The following ZCCHC9 variants were observed in gnomAD, a reference collection of about 807,000 sequenced individuals.
ZCCHC9 encodes zinc finger CCHC domain-containing protein 9.
In ZCCHC9, 18 loss-of-function variants were observed where a neutral mutation model predicts 30.8. The observed-to-expected ratio is 0.58, with a 90% CI of 0.40 to 0.87. The LOEUF (loss-of-function observed/expected upper bound fraction) is 0.87, where lower values mean the gene tolerates loss of function less well. Ranked by LOEUF, ZCCHC9 falls within the 40% of genes least tolerant of loss-of-function variation. The pLI, the probability that ZCCHC9 is intolerant of heterozygous loss-of-function variation, is 0.00. For missense variants in ZCCHC9, 279 were observed against 331.2 expected, an observed-to-expected ratio of 0.84 and a Z score of 1.22; for synonymous variants, 94 against 106.7, an observed-to-expected ratio of 0.88 and a Z score of 0.73.
At chr5:81,303,390 C>T (rs1392017741) in intron 1 of ZCCHC9, 1 of 152,196 alleles carries the variant, frequency 6.6e-6, no homozygotes, top group African/African-American at 2.4e-5. Context: ...TGTTGTATAG[C>T]TATATAAAAA....
At chr5:81,308,205 G>GTT (rs1455067518) in intron 2 of ZCCHC9, among the ~76,000 whole-genome samples, 1 of 151,954 alleles carries the variant, frequency 6.6e-6, no homozygotes, top group African/African-American at 2.4e-5. Context: ...TATAGCCACT[G>GTT]TCCATTTCCT....
Position 81,312,807 on chromosome 5 carries a change from T to A in ZCCHC9, c.*145T>A. On this transcript the variant is annotated 3_prime_UTR_variant, in exon 6 of 6. Coordinates refer to ENST00000407610, the MANE Select transcript of ZCCHC9 (RefSeq NM_001131035.2). ...TGGGTGTGGCCAAAAACAATTTTCT[T>A]TATTCTGTCTATCAAATAGTACTTC... The A allele has an allele frequency of 1.7e-6, 1 of 575,680 alleles. No individual in the cohort carries two copies. Among genetic ancestry groups the A allele is most frequent in the African/African-American group, 1.9e-5 (1 of 53,386 alleles). 35.7% of individuals were successfully genotyped at this position (575,680 alleles called of 1,614,324 possible).
In ZCCHC9 at chr5:81,308,679, C is replaced by G. The variant is rs199640444; in HGVS notation, c.503C>G (p.Thr168Ser). ...TGTGGGTCCACAGAGCACGAAATAA[C>G]CAAGTGTAAGGCTAAAGTAGACCCG... ...YRCGSTEHEI[T>S]KCKAKVDPAL... The change falls in exon 3 of 6, where the codon ACC (threonine) becomes AGC (serine). Residue 168 changes from threonine to serine, a missense_variant. Coordinates refer to ENST00000407610, the MANE Select transcript of ZCCHC9 (RefSeq NM_001131035.2). 6.2e-7 allele frequency: 1 copy of G among 1,613,086 alleles called. No individual in the cohort carries two copies. Among genetic ancestry groups the G allele is most frequent in the Non-Finnish European group, 8.5e-7 (1 of 1,179,626 alleles).
In ZCCHC9 at chr5:81,311,295, C is replaced by T; in HGVS notation, c.697+16C>T. 2 of 1,613,118 alleles carry T rather than the reference C, an allele frequency of 1.2e-6. No homozygotes were observed. Among genetic ancestry groups the T allele is most frequent in the Non-Finnish European group, 8.5e-7 (1 of 1,179,142 alleles). The stretch of plus-strand genomic sequence containing the variant: ...CAGAATTCAGGTGAGATCTCTGGGC[C>T]TCTACTTAGAAGGGGTGAGATTAGT... On this transcript the variant is annotated intron_variant, in intron 5 of 5. Coordinates refer to ENST00000407610, the MANE Select transcript of ZCCHC9 (RefSeq NM_001131035.2).
At chr5:81,311,367 G>T in intron 5 of ZCCHC9, 88 bp downstream of exon 5, 1 of 1,320,284 alleles carries the variant, frequency 7.6e-7, no homozygotes, top group East Asian at 2.3e-5. Context: ...ACTCAATTGG[G>T]ATACTAATGA....
In ZCCHC9 at chr5:81,308,954, C is replaced by T. The variant is rs1758179590; in HGVS notation, c.544C>T (p.Pro182Ser). The T allele has an allele frequency of 6.2e-7, 1 of 1,612,686 alleles. No individual in the cohort carries two copies. The highest frequency in any genetic ancestry group is 2.2e-5 in the East Asian group (1 of 44,806). The change falls in exon 4 of 6, where the codon CCT becomes TCT. Residue 182 changes from proline to serine, a missense_variant. Transcript: ENST00000407610. Reference sequence around the variant, plus strand: ...ACTGTTGATTTTTACAGGCGAATTTCCTTTTGCAAAATGTTTTGTTTGTGG... The same window carrying T: ...ACTGTTGATTTTTACAGGCGAATTTTCTTTTGCAAAATGTTTTGTTTGTGG... ...AKVDPALGEF[P>S]FAKCFVCGEM...
At chr5:81,306,647 T>A (rs561465017) in intron 2 of ZCCHC9, among the ~76,000 whole-genome samples, 62 of 152,314 alleles carry the variant, frequency 4.1e-4, no homozygotes, top group African/African-American at 1.4e-3. Context: ...TTTACTTCCT[T>A]GGTATTTTTT....
intron 2 of ZCCHC9, among the ~76,000 whole-genome samples, chr5:81,307,294 C>A (rs1039790731): frequency 2.6e-5 from 4 of 152,132 alleles, no homozygotes; most frequent in Non-Finnish European, 5.9e-5. Context: ...CCAAATAATT[C>A]ATCTTGGAAT....
At chr5:81,308,022 A>AAAAAATCT (rs34237879) in intron 2 of ZCCHC9, among the ~76,000 whole-genome samples, 7 of 68,348 alleles carry the variant, frequency 1.0e-4, no homozygotes, top group African/African-American at 3.8e-4. Flanking sequence ...AAAAAAAAAA[A>AAAAAATCT]ATCTATCTAT....
intron 2 of ZCCHC9, among the ~76,000 whole-genome samples, chr5:81,306,640 A>C (rs973900978): frequency 2.0e-5 from 3 of 152,168 alleles, no homozygotes; most frequent in Non-Finnish European, 4.4e-5. Context: ...TGTTAAATTT[A>C]CTTCCTTGGT....
At position 81,312,792 on chromosome 5, in the gene ZCCHC9, C is replaced by G; in HGVS notation, c.*130C>G. ...GATATCAGTATGATCTGGGTGTGGC[C>G]AAAAACAATTTTCTTTATTCTGTCT... is the stretch of plus-strand genomic sequence containing the variant. On this transcript the variant is annotated 3_prime_UTR_variant, in exon 6 of 6. Transcript: ENST00000407610. 2 of 624,546 alleles carry G rather than the reference C, an allele frequency of 3.2e-6. No homozygotes were observed. The highest frequency in any genetic ancestry group is 5.6e-6 in the Non-Finnish European group (2 of 354,806). The allele number at this position is 624,546 out of a possible 1,614,324, so 38.7% of individuals were successfully genotyped here.
rs374152017 is a variant in ZCCHC9, at chr5:81,308,513, T to C, written c.385-48T>C. ...TTTTTGATAACAAGAATTAATAAAG[T>C]CACTGGTATAGTTTTGCAGCGTGCC... On this transcript the variant is annotated intron_variant, in intron 2 of 5. Coordinates refer to ENST00000407610, the MANE Select transcript of ZCCHC9 (RefSeq NM_001131035.2). 2.0e-5 allele frequency: 30 copies of C among 1,503,640 alleles called. No homozygotes were observed. The African/African-American group carries it at 3.8e-4, about 19-fold the overall frequency. 93.1% of individuals were successfully genotyped at this position (1,503,640 alleles called of 1,614,324 possible). A position where few individuals can be genotyped will look rare whatever the true frequency, so the allele number is the denominator to read the frequency against.
rs1173098389 is a variant in ZCCHC9 at position 81,301,658 on chromosome 5, G to T, written c.-58G>T. On this transcript the variant is annotated 5_prime_UTR_variant, in exon 1 of 6. Coordinates refer to ENST00000407610, the MANE Select transcript of ZCCHC9 (RefSeq NM_001131035.2). The stretch of plus-strand genomic sequence containing the variant: ...GGCTCGCCAACTCGGCTGCTCTGGG[G>T]GATTCGTGCGCGGTAAGAAGCTGCG... 1 of 152,470 alleles carries T rather than the reference G, an allele frequency of 6.6e-6. No homozygotes were observed. The allele number at this position is 152,470 out of a possible 1,614,324, so 9.4% of individuals were successfully genotyped here.
rs369099430 is a variant in ZCCHC9, at chr5:81,312,547, G to A, written c.701G>A (p.Arg234Gln). The change falls in exon 6 of 6, where the codon CGA becomes CAA. Residue 234 changes from arginine (R) to glutamine (Q), a missense_variant. Physicochemically the swap from Arg to Gln is conservative, Grantham distance 43. Transcript: ENST00000407610. ...TGATTTTTCTATTCCTTTACAGAGC[G>A]AATGGTCACAGTTGGTCGCTGGGCA... ...KDCPESQNSE[R>Q]MVTVGRWAKG... The A allele has an allele frequency of 4.3e-5, 69 of 1,611,942 alleles. No individual in the cohort carries two copies. Among genetic ancestry groups the A allele is most frequent in the African/African-American group, 5.3e-5 (4 of 74,932 alleles).
intron 4 of ZCCHC9, 68 bp downstream of exon 4, chr5:81,309,106 C>T (rs866157796): frequency 3.1e-5 from 35 of 1,140,670 alleles, no homozygotes; most frequent in Middle Eastern, 4.0e-4. Context: ...AATTTACACT[C>T]AATCACAGTT....
intron 2 of ZCCHC9, among the ~76,000 whole-genome samples, chr5:81,307,082 T>TA (rs1259914762): frequency 1.3e-5 from 2 of 152,198 alleles, no homozygotes; most frequent in Non-Finnish European, 2.9e-5. Context: ...ATTTGCTTTT[T>TA]AAAAAAACCT....
Position 81,308,958 on chromosome 5 carries a change from T to C in ZCCHC9, c.548T>C (p.Phe183Ser), listed in dbSNP as rs747294968. ...KVDPALGEFP[F>S]AKCFVCGEMG... Reference sequence around the variant, plus strand: ...TTGATTTTTACAGGCGAATTTCCTTTTGCAAAATGTTTTGTTTGTGGAGAA... The same window carrying C: ...TTGATTTTTACAGGCGAATTTCCTTCTGCAAAATGTTTTGTTTGTGGAGAA... Residue 183 changes from phenylalanine (F) to serine (S), a missense_variant, in exon 4 of 6, where the codon TTT (phenylalanine) becomes TCT (serine). Phe to Ser is a radical substitution (Grantham distance 155, BLOSUM62 -2). Transcript: ENST00000407610. 10 of 1,613,146 alleles carry C rather than the reference T, an allele frequency of 6.2e-6. No individual in the cohort carries two copies. In the Admixed American group the frequency reaches 1.3e-4, roughly 22 times the overall value.
chr5:81,310,178 A>ATT (rs1343527930), intron 4 of ZCCHC9, among the ~76,000 whole-genome samples: 1 of 148,296 alleles, frequency 6.7e-6, no homozygotes, highest in Non-Finnish European at 1.5e-5. Context: ...AAAAAAAAAA[A>ATT]AATTAATGCA....
intron 2 of ZCCHC9, 182 bp from the exon 3 acceptor site, chr5:81,308,379 C>T (rs1758150927): frequency 1.5e-6 from 1 of 649,904 alleles, no homozygotes. Context: ...CAATGAAACC[C>T]TCTGATGGAA....
Sources: allele counts gnomAD v4.1 joint callset (sites outside exome capture counted in the v4.1 genomes callset), GRCh38; gene constraint gnomAD v4.1.1; transcripts MANE v1.5; gene names NCBI Gene and HGNC (gene_info 2026-07-23, HGNC 2026-07-21).